MRPL11: variants seen among roughly 807,000 people sequenced by gnomAD.
MRPL11 encodes large ribosomal subunit protein uL11m.
A neutral mutation model predicts 19.1 loss-of-function variants in MRPL11; 21 were observed. The observed-to-expected ratio is 1.10, with a 90% CI of 0.78 to 1.58. MRPL11 has a LOEUF of 1.58. Among genes scored for constraint, MRPL11 ranks in the 40% most tolerant of loss-of-function variants. The probability of loss-of-function intolerance (pLI) is 0.00; values close to 1 mark genes in which losing one functional copy is unlikely to be tolerated. For missense variants in MRPL11, 242 were observed against 243.9 expected (o/e 0.99, Z 0.05); for synonymous variants, 108 against 99.7 (o/e 1.08, Z -0.49).
chr11:66,435,167 A>C lies in MRPL11; in HGVS notation c.*840T>G, dbSNP rs553312842. On this transcript the variant is annotated 3_prime_UTR_variant, in exon 5 of 5. Transcript: ENST00000310999. ...CAGTGTAAAATGAAGTGTCTAGCAC[A>C]TAACAGATGGTCAGTAAATGCGAAT... is the stretch of plus-strand genomic sequence containing the variant. 8 of 152,262 alleles carry C rather than the reference A, an allele frequency of 5.3e-5. No homozygotes were observed. The East Asian group carries it at 1.5e-3, about 29-fold the overall frequency. The allele number at this position is 152,262 out of a possible 1,614,324, so 9.4% of individuals were successfully genotyped here.
chr11:66,438,238 A>G lies in MRPL11; in HGVS notation c.145T>C (p.Phe49Leu). 1.2e-6 allele frequency: 2 copies of G among 1,613,830 alleles called. No individual in the cohort carries two copies. Among genetic ancestry groups the G allele is most frequent in the Non-Finnish European group, 1.7e-6 (2 of 1,179,806 alleles). ...LGQRGVSINQ[F>L]CKEFNERTKD... ...GTCCTCTCATTGAACTCCTTGCAAAACTGGTTGATGGAAACGCCTCTCTGT... is the reference window on the plus strand; with the variant it reads ...GTCCTCTCATTGAACTCCTTGCAAAGCTGGTTGATGGAAACGCCTCTCTGT... Residue 49 changes from phenylalanine (F) to leucine (L), a missense_variant, in exon 2 of 5, where the codon TTT (phenylalanine) becomes CTT (leucine). Coordinates refer to ENST00000310999, the MANE Select transcript of MRPL11 (RefSeq NM_016050.5).
In MRPL11 at chr11:66,436,008, C is replaced by T. The variant is rs767326169; in HGVS notation, c.578G>A (p.Ter193=). 2 of 1,612,752 alleles carry T rather than the reference C, an allele frequency of 1.2e-6. No homozygotes were observed. Among genetic ancestry groups the T allele is most frequent in the Non-Finnish European group, 1.7e-6 (2 of 1,179,194 alleles). Residue 193 remains the stop codon, a stop_retained_variant, in exon 5 of 5, where the codon TGA becomes TAA. Transcript: ENST00000310999. ...LAAQEEAAKK[*] Reference sequence around the variant, plus strand: ...ATCTGGGAGTTGGTGGGGCAAGGGTCACTTCTTGGCAGCTTCTTCTTGGGC... The same window carrying T: ...ATCTGGGAGTTGGTGGGGCAAGGGTTACTTCTTGGCAGCTTCTTCTTGGGC...
In MRPL11 at chr11:66,435,567, C is replaced by T. The variant is rs531324302; in HGVS notation, c.*440G>A. ...TCAGCCCTAGCAACCATAGTTCCCACCCTGGGGAGGGGAAGAACACAGGAT... is the reference window on the plus strand; with the variant it reads ...TCAGCCCTAGCAACCATAGTTCCCATCCTGGGGAGGGGAAGAACACAGGAT... On this transcript the variant is annotated 3_prime_UTR_variant, in exon 5 of 5. Coordinates refer to ENST00000310999, the MANE Select transcript of MRPL11 (RefSeq NM_016050.5). The T allele has an allele frequency of 5.7e-5, 9 of 158,104 alleles. No individual in the cohort carries two copies. The South Asian group carries it at 1.5e-3, about 26-fold the overall frequency. 9.8% of individuals were successfully genotyped at this position (158,104 alleles called of 1,614,324 possible).
At chr11:66,438,050 A>G in intron 2 of MRPL11, 114 bp downstream of exon 2, 3 of 731,156 alleles carry the variant, frequency 4.1e-6, no homozygotes, top group Non-Finnish European at 7.3e-6. Context: ...GGGAAAGTGG[A>G]GCCCAGTAAT....
chr11:66,438,798 G>T lies in MRPL11; in HGVS notation c.-44C>A. On this transcript the variant is annotated 5_prime_UTR_variant, in exon 1 of 5. Coordinates refer to ENST00000310999, the MANE Select transcript of MRPL11 (RefSeq NM_016050.5). Reference sequence around the variant, plus strand: ...TCAGTTCACCTCAGGGGAGCAGCAAGAGCGAAGCTCTGGGCGCCACCATCT... The same window carrying T: ...TCAGTTCACCTCAGGGGAGCAGCAATAGCGAAGCTCTGGGCGCCACCATCT... 1.4e-6 allele frequency: 2 copies of T among 1,446,400 alleles called. No individual in the cohort carries two copies. Among genetic ancestry groups the T allele is most frequent in the South Asian group, 2.9e-5 (2 of 69,934 alleles). 89.6% of individuals were successfully genotyped at this position (1,446,400 alleles called of 1,614,324 possible).
Position 66,438,332 on chromosome 11 carries a change from T to G in MRPL11, c.124-73A>C. On this transcript the variant is annotated intron_variant, in intron 1 of 4. Transcript: ENST00000310999. ...CCTATCGCCCAGGAGGCGCCGTCCG[T>G]TCCCTCCTTCGTCTTCACTTCTCTG... 3 of 1,219,532 alleles carry G rather than the reference T, an allele frequency of 2.5e-6. No homozygotes were observed. The South Asian group carries it at 3.6e-5, about 15-fold the overall frequency. The allele number at this position is 1,219,532 out of a possible 1,614,324, so 75.5% of individuals were successfully genotyped here. A position where few individuals can be genotyped will look rare whatever the true frequency, so the allele number is the denominator to read the frequency against.
At chr11:66,438,305 T>C (rs1341092362) in intron 1 of MRPL11, 46 bp from the exon 2 acceptor site, 1 of 1,453,300 alleles carries the variant, frequency 6.9e-7, no homozygotes, top group Admixed American at 1.7e-5. Context: ...AGGGGACGGC[T>C]TCCTATCGCC....
rs565773946 is a variant in MRPL11 at position 66,436,017 on chromosome 11, G to T, written c.569C>A (p.Ala190Asp). ...EADLAAQEEA[A>D]KK ...TTGGTGGGGCAAGGGTCACTTCTTG[G>T]CAGCTTCTTCTTGGGCAGCCAAATC... Residue 190 changes from alanine (A) to aspartate (D), a missense_variant, in exon 5 of 5, where the codon GCC becomes GAC. Physicochemically the swap from Ala to Asp is moderately radical, Grantham distance 126. Coordinates refer to ENST00000310999, the MANE Select transcript of MRPL11 (RefSeq NM_016050.5). The T allele has an allele frequency of 1.2e-6, 2 of 1,613,374 alleles. No homozygotes were observed. Among genetic ancestry groups the T allele is most frequent in the African/African-American group, 2.7e-5 (2 of 75,042 alleles).
intron 4 of MRPL11, chr11:66,436,864 C>T: frequency 6.2e-7 from 1 of 1,614,140 alleles, no homozygotes; most frequent in Non-Finnish European, 8.5e-7. Flanking sequence ...CACTTGGATC[C>T]TTCATGGAGA....
chr11:66,437,784 G>A (rs780307917), intron 2 of MRPL11, among the ~76,000 whole-genome samples: 18 of 152,312 alleles, frequency 1.2e-4, no homozygotes, highest in Non-Finnish European at 1.8e-4. Context: ...TGAGGCAGGA[G>A]AATTGCTTGA....
At chr11:66,436,875 T>A (rs781659525) in intron 4 of MRPL11, 2 of 1,614,152 alleles carry the variant, frequency 1.2e-6, no homozygotes, top group Non-Finnish European at 1.7e-6. Flanking sequence ...TTCATGGAGA[T>A]CTTTCCATTT....
chr11:66,438,336 C>T, intron 1 of MRPL11, 77 bp from the exon 2 acceptor site: 1 of 1,192,926 alleles, frequency 8.4e-7, no homozygotes, highest in Non-Finnish European at 1.3e-6. Context: ...CGTCCGTTCC[C>T]TCCTTCGTCT....
chr11:66,438,430 C>T (rs1229937991), intron 1 of MRPL11, among the ~76,000 whole-genome samples, 171 bp from the exon 2 acceptor site: 1 of 152,228 alleles, frequency 6.6e-6, no homozygotes, highest in East Asian at 1.9e-4. Context: ...CCACGTTATC[C>T]TCATTACAGC....
In MRPL11 at chr11:66,438,189, G is replaced by A; in HGVS notation, c.194C>T (p.Pro65Leu). 6.2e-7 allele frequency: 1 copy of A among 1,613,680 alleles called. No individual in the cohort carries two copies. Among genetic ancestry groups the A allele is most frequent in the Non-Finnish European group, 8.5e-7 (1 of 1,179,596 alleles). ...ERTKDIKEGI[P>L]LPTKILVKPD... The stretch of plus-strand genomic sequence containing the variant: ...CTTCACTAAAATCTTGGTAGGCAGA[G>A]GAATGCCTTCCTTGATGTCCTTTGT... Residue 65 changes from proline to leucine, a missense_variant, in exon 2 of 5, where the codon CCT (proline) becomes CTT (leucine). Transcript: ENST00000310999.
intron 1 of MRPL11, 89 bp downstream of exon 1, chr11:66,438,542 CG>C (rs1209589665): frequency 6.8e-7 from 1 of 1,461,958 alleles, no homozygotes; most frequent in African/African-American, 1.4e-5. Context: ...AACCGAGGCC[CG>C]GGTGGTTCCA....
At chr11:66,436,732 T>C (rs1337108155) in intron 4 of MRPL11, 3 of 976,940 alleles carry the variant, frequency 3.1e-6, no homozygotes, top group Non-Finnish European at 4.8e-6. Context: ...CAGGGGTCCC[T>C]GTTTGCCTCA....
chr11:66,437,079 A>T, intron 4 of MRPL11, 25 bp downstream of exon 4: 1 of 1,608,444 alleles, frequency 6.2e-7, no homozygotes, highest in East Asian at 2.2e-5. Context: ...CCCTCTCGTC[A>T]CACTGCACAT....
At chr11:66,436,657 G>T in intron 4 of MRPL11, 1 of 636,690 alleles carries the variant, frequency 1.6e-6, no homozygotes, top group Non-Finnish European at 2.8e-6. Context: ...GTCTAGGCCA[G>T]ACACCCTCCC....
rs1251511621 is a variant in MRPL11 at position 66,437,173 on chromosome 11, A to G, written c.404T>C (p.Val135Ala). The change falls in exon 4 of 5, where the codon GTA (valine) becomes GCA (alanine). Residue 135 changes from valine (V) to alanine (A), a missense_variant. By Grantham distance (64) the Val-to-Ala change is moderately conservative. Coordinates refer to ENST00000310999, the MANE Select transcript of MRPL11 (RefSeq NM_016050.5). ...GGAGCGGACAACAGACGACAGGGGT[A>G]CATCCTGCAGGGCAAATGCCTCATC... ...AQDEAFALQD[V>A]PLSSVVRSII... The G allele has an allele frequency of 6.2e-7, 1 of 1,614,124 alleles. No homozygotes were observed. The highest frequency in any genetic ancestry group is 2.2e-5 in the East Asian group (1 of 44,894).
Sources: gnomAD v4.1 joint callset for allele counts (sites outside exome capture counted in the v4.1 genomes callset) on GRCh38, gnomAD v4.1.1 for gene constraint, MANE v1.5 for transcripts, NCBI Gene and HGNC (gene_info 2026-07-23, HGNC 2026-07-21) for gene names.